Variants in SMYD3 observed in about 807,000 individuals in gnomAD.
The protein encoded by SMYD3 is histone-lysine N-methyltransferase SMYD3.
In SMYD3, 36 loss-of-function variants were observed where a neutral mutation model predicts 57.7. The observed-to-expected ratio is 0.62, with a 90% CI of 0.48 to 0.82. The LOEUF is 0.82. Among genes scored for constraint, SMYD3 ranks in the 40% least tolerant of loss-of-function variants. The pLI is 0.00. For missense variants in SMYD3, 515 were observed against 538.8 expected (o/e 0.96, Z 0.44); for synonymous variants, 211 against 195.0 (o/e 1.08, Z -0.68).
At chr1:246,261,112 G>A (rs147798235) in intron 5 of SMYD3, among the ~76,000 whole-genome samples, 2,267 of 152,186 alleles carry the variant, frequency 0.015, 40 homozygotes, top group African/African-American at 0.035. Flanking sequence ...AGGCTGGAGT[G>A]CAGTGGCACC....
intron 5 of SMYD3, among the ~76,000 whole-genome samples, chr1:246,005,113 T>C (rs2059146615): frequency 6.6e-6 from 1 of 152,158 alleles, no homozygotes; most frequent in South Asian, 2.1e-4. Flanking sequence ...CCTCCCAAAG[T>C]GCTGGTATTA....
At chr1:245,855,039 C>T (rs1484717496) in intron 10 of SMYD3, among the ~76,000 whole-genome samples, 3 of 152,120 alleles carry the variant, frequency 2.0e-5, no homozygotes, top group African/African-American at 4.8e-5. Context: ...AACTTTTAGC[C>T]ATGTTTATCT....
intron 1 of SMYD3, among the ~76,000 whole-genome samples, chr1:246,385,528 G>C (rs894512437): frequency 2.6e-5 from 4 of 152,028 alleles, no homozygotes; most frequent in Admixed American, 2.6e-4. Flanking sequence ...ATTCCTAGGA[G>C]AGAAAGGACC....
chr1:246,319,786 T>A (rs573764792), intron 5 of SMYD3, among the ~76,000 whole-genome samples: 3 of 152,340 alleles, frequency 2.0e-5, no homozygotes, highest in South Asian at 2.1e-4. Flanking sequence ...ACTGAAAATT[T>A]AAGCTTAAAA....
At chr1:246,061,420 G>A (rs562518358) in intron 5 of SMYD3, among the ~76,000 whole-genome samples, 2 of 151,326 alleles carry the variant, frequency 1.3e-5, no homozygotes, top group African/African-American at 4.9e-5. Context: ...CAATAAAATG[G>A]TAAAAGAAAA....
intron 5 of SMYD3, chr1:246,114,012 T>C (rs1378174010): frequency 1.3e-5 from 2 of 152,198 alleles, no homozygotes; most frequent in African/African-American, 4.8e-5. Flanking sequence ...AGACTGGTGA[T>C]GATATTTCTT....
At chr1:246,478,285 G>A (rs2068053776) in intron 1 of SMYD3, among the ~76,000 whole-genome samples, 1 of 152,244 alleles carries the variant, frequency 6.6e-6, no homozygotes, top group Non-Finnish European at 1.5e-5. Flanking sequence ...AAATACTAAG[G>A]ATACTCTGTG....
chr1:246,497,298 T>C (rs984914068), intron 1 of SMYD3, among the ~76,000 whole-genome samples: 1 of 152,244 alleles, frequency 6.6e-6, no homozygotes, highest in Non-Finnish European at 1.5e-5. Flanking sequence ...GAGTTTTATA[T>C]AGATATTTAT....
intron 5 of SMYD3, among the ~76,000 whole-genome samples, chr1:246,030,599 A>T (rs1237861346): frequency 6.6e-6 from 1 of 152,240 alleles, no homozygotes; most frequent in Admixed American, 6.5e-5. Flanking sequence ...AGGTGATGGT[A>T]TAGTGATCAC....
chr1:246,360,704 C>T (rs1214920637), intron 1 of SMYD3, among the ~76,000 whole-genome samples: 1 of 152,096 alleles, frequency 6.6e-6, no homozygotes, highest in Non-Finnish European at 1.5e-5. Flanking sequence ...AGGGAAAGGA[C>T]ACCCTATTCA....
intron 5 of SMYD3, among the ~76,000 whole-genome samples, chr1:246,136,377 T>TAGACACCTC (rs2061665544): frequency 6.6e-6 from 1 of 152,192 alleles, no homozygotes; most frequent in Non-Finnish European, 1.5e-5. Flanking sequence ...GTAGACACCT[T>TAGACACCTC]AGACACCTCA....
At chr1:246,302,034 T>C (rs12748122) in intron 5 of SMYD3, among the ~76,000 whole-genome samples, 7,909 of 152,180 alleles carry the variant, frequency 0.052, 299 homozygotes, top group Non-Finnish European at 0.073. Flanking sequence ...GGCAAGCACA[T>C]AGAAATACCG....
intron 1 of SMYD3, among the ~76,000 whole-genome samples, chr1:246,363,834 T>C (rs34378287): frequency 2.6e-5 from 4 of 152,076 alleles, no homozygotes; most frequent in Middle Eastern, 3.2e-3. Flanking sequence ...CTTTGTTCAC[T>C]TGTTTATCTG....
chr1:246,186,942 A>G (rs139203055), intron 5 of SMYD3: 7 of 985,148 alleles, frequency 7.1e-6, no homozygotes, highest in Non-Finnish European at 8.4e-6. Flanking sequence ...TTTCGCTGTG[A>G]CTGAAGAGAT....
chr1:246,278,081 G>C (rs1476722936), intron 5 of SMYD3, among the ~76,000 whole-genome samples: 1 of 152,086 alleles, frequency 6.6e-6, no homozygotes, highest in Non-Finnish European at 1.5e-5. Flanking sequence ...ACTTTAAAAG[G>C]TGAGTAAGGA....
Position 246,117,632 on chromosome 1 carries a change from T to C in SMYD3, c.532-187695A>G, listed in dbSNP as rs75328322. Among the ~76,000 whole-genome samples the C allele has an allele frequency of 9.3e-3, 1,418 of 152,238 alleles. 17 individuals are homozygous for C. The highest frequency in any genetic ancestry group is 0.032 in the African/African-American group (1,325 of 41,550). On this transcript the variant is annotated intron_variant, in intron 5 of 11. Coordinates refer to ENST00000490107, the MANE Select transcript of SMYD3 (RefSeq NM_001167740.2). ...CTCGCTCTTGCGCACTCTCTCTCTCTCCCTTCAACTTAGAAACCCACTATG... is the reference window on the plus strand; with the variant it reads ...CTCGCTCTTGCGCACTCTCTCTCTCCCCCTTCAACTTAGAAACCCACTATG...
At chr1:246,295,041 A>T (rs1272765502) in intron 5 of SMYD3, among the ~76,000 whole-genome samples, 2 of 152,188 alleles carry the variant, frequency 1.3e-5, no homozygotes, top group Non-Finnish European at 2.9e-5. Context: ...TTCACTGTGA[A>T]TAATATGTAA....
At chr1:245,953,478 T>A in intron 5 of SMYD3, 1 of 413,398 alleles carries the variant, frequency 2.4e-6, no homozygotes, top group Non-Finnish European at 3.4e-6. Context: ...TGGAGTGCAG[T>A]GGTGTGATCT....
intron 5 of SMYD3, among the ~76,000 whole-genome samples, chr1:246,185,539 G>A (rs1217368945): frequency 1.4e-5 from 2 of 145,778 alleles, no homozygotes; most frequent in African/African-American, 5.1e-5. Flanking sequence ...TCGGCTCACT[G>A]CAAGCTCCGC....
Sources: allele counts gnomAD v4.1 joint callset (sites outside exome capture counted in the v4.1 genomes callset), GRCh38; gene constraint gnomAD v4.1.1; transcripts MANE v1.5; gene names NCBI Gene and HGNC (gene_info 2026-07-23, HGNC 2026-07-21).